Variants in DTNBP1 observed in about 807,000 individuals in gnomAD.
DTNBP1 encodes the protein dysbindin.
Under a neutral mutation model 42.8 loss-of-function variants are expected in DTNBP1, and 35 were observed. That is an observed-to-expected ratio of 0.82 (90% CI 0.63 to 1.09). The LOEUF (loss-of-function observed/expected upper bound fraction) is 1.09, where lower values mean the gene tolerates loss of function less well. Among genes scored for constraint, DTNBP1 ranks in the 50% least tolerant of loss-of-function variants. The pLI is 0.00. For missense variants in DTNBP1, 457 were observed against 424.2 expected (o/e 1.08, Z -0.68); for synonymous variants, 171 against 162.2 (o/e 1.05, Z -0.41).
intron 7 of DTNBP1, among the ~76,000 whole-genome samples, chr6:15,556,893 C>T (rs1774556301): frequency 6.6e-6 from 1 of 152,194 alleles, no homozygotes. Context: ...GTCATTCCAT[C>T]CCACTTTGAA....
At chr6:15,621,416 C>T (rs1486357712) in intron 5 of DTNBP1, among the ~76,000 whole-genome samples, 2 of 152,188 alleles carry the variant, frequency 1.3e-5, no homozygotes, top group African/African-American at 4.8e-5. Flanking sequence ...GACAGAAATT[C>T]TGTTCTAGGT....
chr6:15,595,038 C>G, intron 6 of DTNBP1: 1 of 443,792 alleles, frequency 2.3e-6, no homozygotes, highest in South Asian at 1.6e-5. Context: ...CTGCAACCGT[C>G]TGTCTGCTGC....
intron 3 of DTNBP1, among the ~76,000 whole-genome samples, chr6:15,642,545 T>C (rs1389942685): frequency 2.6e-5 from 4 of 152,076 alleles, no homozygotes; most frequent in Non-Finnish European, 1.5e-5. Flanking sequence ...CAAATAAAAA[T>C]CTGCTAAAAA....
chr6:15,626,589 C>A (rs1339984660), intron 5 of DTNBP1, among the ~76,000 whole-genome samples: 1 of 152,060 alleles, frequency 6.6e-6, no homozygotes, highest in Non-Finnish European at 1.5e-5. Flanking sequence ...TAGTAAGCTG[C>A]AATATTATCC....
chr6:15,647,044 G>C (rs1464929706), intron 3 of DTNBP1, among the ~76,000 whole-genome samples: 2 of 151,926 alleles, frequency 1.3e-5, no homozygotes, highest in Non-Finnish European at 2.9e-5. Context: ...CGTAGCAAAA[G>C]AAACAACACA....
intron 9 of DTNBP1, chr6:15,523,518 C>T (rs1236776462): frequency 7.1e-6 from 9 of 1,276,448 alleles, no homozygotes; most frequent in Non-Finnish European, 3.0e-6. Context: ...CAAGTGCTGC[C>T]TATCTTTGAG....
intron 3 of DTNBP1, among the ~76,000 whole-genome samples, chr6:15,644,157 C>T (rs980480463): frequency 3.4e-4 from 49 of 142,910 alleles, no homozygotes; most frequent in African/African-American, 1.1e-3. Context: ...ATAAAACAAA[C>T]TTTAAACCAA....
intron 4 of DTNBP1, among the ~76,000 whole-genome samples, chr6:15,635,269 C>T (rs1166234542): frequency 6.6e-6 from 1 of 152,150 alleles, no homozygotes; most frequent in Non-Finnish European, 1.5e-5. Context: ...CAGGCACACA[C>T]CACCATGCCC....
chr6:15,553,338 T>C (rs1774319448), intron 7 of DTNBP1, among the ~76,000 whole-genome samples: 3 of 151,644 alleles, frequency 2.0e-5, no homozygotes, highest in Non-Finnish European at 4.4e-5. Context: ...AAATACAAGA[T>C]TTTTAGACAT....
At chr6:15,653,132 G>A (rs927124871) in intron 1 of DTNBP1, among the ~76,000 whole-genome samples, 1 of 152,216 alleles carries the variant, frequency 6.6e-6, no homozygotes, top group Non-Finnish European at 1.5e-5. Context: ...AGCATCCACA[G>A]TATTTGAAAT....
intron 4 of DTNBP1, 66 bp downstream of exon 4, chr6:15,637,678 A>T (rs939062226): frequency 5.3e-6 from 8 of 1,514,124 alleles, no homozygotes; most frequent in South Asian, 1.1e-5. Context: ...TTCAATTTTT[A>T]AAAAATACCA....
intron 6 of DTNBP1, chr6:15,595,256 T>G (rs1439752251): frequency 4.8e-5 from 8 of 165,102 alleles, no homozygotes; most frequent in South Asian, 4.5e-4. Context: ...GCAACTTTTT[T>G]TTTTTTTTTT....
intron 7 of DTNBP1, among the ~76,000 whole-genome samples, chr6:15,554,833 T>A (rs954828362): frequency 6.6e-6 from 1 of 152,162 alleles, no homozygotes; most frequent in African/African-American, 2.4e-5. Context: ...CAGAAAACCC[T>A]TGCTGTGCAG....
At chr6:15,624,944 C>T (rs1314753089) in intron 5 of DTNBP1, among the ~76,000 whole-genome samples, 2 of 152,086 alleles carry the variant, frequency 1.3e-5, no homozygotes, top group Non-Finnish European at 2.9e-5. Context: ...GTTTACACAA[C>T]TCACTCCATC....
intron 7 of DTNBP1, among the ~76,000 whole-genome samples, chr6:15,545,140 C>A (rs1032526932): frequency 6.6e-6 from 1 of 151,956 alleles, no homozygotes; most frequent in African/African-American, 2.4e-5. Flanking sequence ...CCCACTTAAA[C>A]AAATGAATAC....
chr6:15,585,946 C>A, intron 7 of DTNBP1: 1 of 1,358,114 alleles, frequency 7.4e-7, no homozygotes, highest in Admixed American at 3.1e-5. Context: ...ATGGCTTAAG[C>A]AGATATACAT....
At chr6:15,637,188 T>C (rs1278451344) in intron 4 of DTNBP1, among the ~76,000 whole-genome samples, 1 of 152,170 alleles carries the variant, frequency 6.6e-6, no homozygotes, top group Non-Finnish European at 1.5e-5. Flanking sequence ...ATCAACAACA[T>C]TGAGGAGAGT....
At chr6:15,586,072 A>G in intron 7 of DTNBP1, 1 of 1,114,894 alleles carries the variant, frequency 9.0e-7, no homozygotes, top group Non-Finnish European at 1.1e-6. Context: ...AGGGGAGGGA[A>G]GGCTGAAAAT....
At chr6:15,651,387 A>C (rs758166835) in intron 2 of DTNBP1, 24 bp from the exon 3 acceptor site, 1 of 1,611,356 alleles carries the variant, frequency 6.2e-7, no homozygotes, top group South Asian at 1.1e-5. Context: ...ACACTTATTA[A>C]AACTGTTCTT....
Sources: allele counts gnomAD v4.1 joint callset (sites outside exome capture counted in the v4.1 genomes callset), GRCh38; gene constraint gnomAD v4.1.1; transcripts MANE v1.5; gene names NCBI Gene and HGNC (gene_info 2026-07-23, HGNC 2026-07-21).